TMEM232: variants seen among roughly 807,000 people sequenced by gnomAD.
TMEM232 encodes the protein transmembrane protein 232.
In TMEM232, 80 loss-of-function variants were observed where a neutral mutation model predicts 78.8. The observed-to-expected ratio is 1.01, with a 90% confidence interval of 0.85 to 1.22. The LOEUF (loss-of-function observed/expected upper bound fraction) is 1.22, where lower values mean the gene tolerates loss of function less well. Ranked by LOEUF, TMEM232 falls within the 50% of genes most tolerant of loss-of-function variation. TMEM232 has a pLI of 0.00. For missense variants in TMEM232, 881 were observed against 742.2 expected (o/e 1.19, Z -2.17); for synonymous variants, 297 against 254.3 (o/e 1.17, Z -1.60).
chr5:110,608,305 C>CAATAG (rs1781757185), intron 8 of TMEM232, among the ~76,000 whole-genome samples: 1 of 151,750 alleles, frequency 6.6e-6, no homozygotes, highest in Non-Finnish European at 1.5e-5. Flanking sequence ...TCCAAACATA[C>CAATAG]TATTTCTTTG....
At chr5:110,535,617 G>C (rs1772233482) in intron 11 of TMEM232, among the ~76,000 whole-genome samples, 1 of 152,068 alleles carries the variant, frequency 6.6e-6, no homozygotes, top group South Asian at 2.1e-4. Flanking sequence ...CACCAAAAAA[G>C]AGCTCCTCCT....
chr5:110,699,684 G>C (rs1220882426), intron 1 of TMEM232, among the ~76,000 whole-genome samples: 1 of 152,036 alleles, frequency 6.6e-6, no homozygotes, highest in African/African-American at 2.4e-5. Context: ...AGTTTCCACT[G>C]TTTTGCCTTC....
chr5:110,514,001 T>G (rs1768195998), intron 12 of TMEM232: 1 of 169,366 alleles, frequency 5.9e-6, no homozygotes, highest in East Asian at 1.9e-4. Flanking sequence ...ACACTTTAAG[T>G]AACTGATCTA....
chr5:110,516,124 A>G (rs1366548665), intron 12 of TMEM232, among the ~76,000 whole-genome samples: 2 of 152,104 alleles, frequency 1.3e-5, no homozygotes, highest in Non-Finnish European at 2.9e-5. Flanking sequence ...CTGTAGTCCC[A>G]GCTACTCAGG....
At chr5:110,455,682 T>C (rs1340112171) in intron 12 of TMEM232, among the ~76,000 whole-genome samples, 1 of 152,104 alleles carries the variant, frequency 6.6e-6, no homozygotes, top group Non-Finnish European at 1.5e-5. Context: ...CCGGCCCATG[T>C]AGATATAAAC....
At chr5:110,562,482 A>G (rs313594) in intron 11 of TMEM232, among the ~76,000 whole-genome samples, 64,283 of 151,988 alleles carry the variant, frequency 0.42, 19,169 homozygotes, top group African/African-American at 0.85. Context: ...ACTTGAAGAG[A>G]ACAATAATAC....
At chr5:110,487,367 T>C (rs1312940312) in intron 12 of TMEM232, among the ~76,000 whole-genome samples, 1 of 151,968 alleles carries the variant, frequency 6.6e-6, no homozygotes, top group East Asian at 1.9e-4. Context: ...GTGGTGAGAG[T>C]GGGCATCCTT....
At chr5:110,623,445 C>T (rs531288589) in intron 7 of TMEM232, among the ~76,000 whole-genome samples, 8 of 152,198 alleles carry the variant, frequency 5.3e-5, no homozygotes, top group African/African-American at 1.7e-4. Context: ...TTCACAAATC[C>T]TCTGCTATAA....
chr5:110,681,415 T>A (rs1374923094), intron 1 of TMEM232, among the ~76,000 whole-genome samples: 11 of 152,188 alleles, frequency 7.2e-5, no homozygotes, highest in Non-Finnish European at 1.0e-4. Context: ...AAGCACTCCC[T>A]ACCTGTTCAA....
At position 110,700,803 on chromosome 5, in the gene TMEM232, T is replaced by TAGAC. The variant is rs1795353188; in HGVS notation, c.-13+25823_-13+25824insGTCT. 2.0e-5 allele frequency among the ~76,000 whole-genome samples: 3 copies of TAGAC among 151,500 alleles called. No individual in the cohort carries two copies. In the South Asian group the frequency reaches 6.2e-4, roughly 31 times the overall value. ...ATAGATAGGTAGATAGATAGATAGA[T>TAGAC]AGATAGATAGATAGATAGATAGATA... is the stretch of plus-strand genomic sequence containing the variant. On this transcript the variant is annotated intron_variant, in intron 1 of 13. Coordinates refer to ENST00000455884, the MANE Select transcript of TMEM232 (RefSeq NM_001039763.4).
chr5:110,482,995 G>A (rs1764049008), intron 12 of TMEM232, among the ~76,000 whole-genome samples: 1 of 150,476 alleles, frequency 6.6e-6, no homozygotes, highest in South Asian at 2.1e-4. Flanking sequence ...AAAGTACACT[G>A]CTAAAGGCTG....
chr5:110,715,405 A>G (rs902392595), intron 1 of TMEM232, among the ~76,000 whole-genome samples: 1 of 152,192 alleles, frequency 6.6e-6, no homozygotes, highest in Non-Finnish European at 1.5e-5. Flanking sequence ...ACTAAACTGA[A>G]TAGAGGAAAT....
chr5:110,452,655 T>C (rs1228366262), intron 12 of TMEM232, among the ~76,000 whole-genome samples: 3 of 152,180 alleles, frequency 2.0e-5, no homozygotes, highest in Non-Finnish European at 4.4e-5. Flanking sequence ...AGTATTCCTA[T>C]AGCAATATGA....
intron 5 of TMEM232, among the ~76,000 whole-genome samples, chr5:110,635,196 T>C (rs1785633238): frequency 6.6e-6 from 1 of 151,680 alleles, no homozygotes; most frequent in South Asian, 2.1e-4. Flanking sequence ...AACAAAAAGA[T>C]TCCCCCAAAA....
At position 110,568,488 on chromosome 5, in the gene TMEM232, C is replaced by T. The variant is rs1159564624; in HGVS notation, c.1414G>A (p.Glu472Lys). 2 of 1,548,930 alleles carry T rather than the reference C, an allele frequency of 1.3e-6. No homozygotes were observed. The highest frequency in any genetic ancestry group is 1.7e-6 in the Non-Finnish European group (2 of 1,145,482). Reference protein sequence around the residue: ...WQTLQKTKDYEEDVRIQNAIN... With the variant: ...WQTLQKTKDYKEDVRIQNAIN... ...GCATTTTGGATTCGTACATCTTCCTCATAATCCTTTGTTTTCTGCAATGTT... is the reference window on the plus strand; with the variant it reads ...GCATTTTGGATTCGTACATCTTCCTTATAATCCTTTGTTTTCTGCAATGTT... Residue 472 changes from glutamate (E) to lysine (K), a missense_variant, in exon 11 of 14, where the codon GAG becomes AAG. Coordinates refer to ENST00000455884, the MANE Select transcript of TMEM232 (RefSeq NM_001039763.4).
intron 12 of TMEM232, among the ~76,000 whole-genome samples, chr5:110,461,574 T>A (rs754635855): frequency 6.6e-6 from 1 of 152,204 alleles, no homozygotes; most frequent in Admixed American, 6.5e-5. Context: ...AAACAACATA[T>A]GTTCAATGTG....
chr5:110,450,008 C>T (rs552956380), intron 12 of TMEM232, among the ~76,000 whole-genome samples: 5 of 151,982 alleles, frequency 3.3e-5, no homozygotes, highest in South Asian at 2.1e-4. Context: ...TGGATCATGT[C>T]GCATATTTCC....
chr5:110,667,166 T>A, intron 2 of TMEM232, 62 bp downstream of exon 2: 5 of 1,341,616 alleles, frequency 3.7e-6, no homozygotes, highest in Non-Finnish European at 4.9e-6. Context: ...TTTTTTTCAG[T>A]TTTCTATATT....
At chr5:110,464,490 G>A (rs1027963951) in intron 12 of TMEM232, among the ~76,000 whole-genome samples, 4 of 152,156 alleles carry the variant, frequency 2.6e-5, no homozygotes, top group African/African-American at 9.7e-5. Context: ...CTAATTGGTA[G>A]CTGGTTGCAA....
Sources: gnomAD v4.1 joint callset for allele counts (sites outside exome capture counted in the v4.1 genomes callset) on GRCh38, gnomAD v4.1.1 for gene constraint, MANE v1.5 for transcripts, NCBI Gene and HGNC (gene_info 2026-07-23, HGNC 2026-07-21) for gene names.